TCF12: variants seen among roughly 807,000 people sequenced by gnomAD.
TCF12 encodes the protein transcription factor 12, also known as DNA-binding protein HTF4.
A neutral mutation model predicts 86.0 loss-of-function variants in TCF12; 45 were observed. That is an observed-to-expected ratio of 0.52 (90% CI 0.41 to 0.67). TCF12 has a LOEUF of 0.67. Ranked by LOEUF, TCF12 falls within the 30% of genes least tolerant of loss-of-function variation. TCF12 has a pLI of 0.00. For missense variants in TCF12, 881 were observed against 859.9 expected (o/e 1.02, Z -0.31); for synonymous variants, 330 against 299.6 (o/e 1.10, Z -1.05).
At chr15:57,062,474 T>C (rs1274063496) in intron 3 of TCF12, among the ~76,000 whole-genome samples, 1 of 152,072 alleles carries the variant, frequency 6.6e-6, no homozygotes, top group Admixed American at 6.6e-5. Flanking sequence ...AAATATACTT[T>C]AGTCACTTGA....
chr15:57,235,372 A>T (rs1263623187), intron 12 of TCF12, among the ~76,000 whole-genome samples: 1 of 152,196 alleles, frequency 6.6e-6, no homozygotes, highest in Non-Finnish European at 1.5e-5. Flanking sequence ...ACTTGAGCTC[A>T]GAAAGATTAA....
At chr15:56,938,164 CTTTTTCTTCTCTTTTTTTCT>C (rs2060566364) in intron 3 of TCF12, among the ~76,000 whole-genome samples, 2 of 113,216 alleles carry the variant, frequency 1.8e-5, no homozygotes, top group East Asian at 2.6e-4. Flanking sequence ...TGTTTCTTTT[CTTTTTCTTCTCTTTTTTTCT>C]TTTTTCTTGC....
chr15:57,151,014 T>C (rs2053713107), intron 5 of TCF12, among the ~76,000 whole-genome samples: 7 of 151,288 alleles, frequency 4.6e-5, no homozygotes, highest in Admixed American at 4.6e-4. Flanking sequence ...GGTCTCTCTC[T>C]GTTACACAGG....
At chr15:57,064,288 A>C (rs2040117572) in intron 4 of TCF12, among the ~76,000 whole-genome samples, 1 of 152,190 alleles carries the variant, frequency 6.6e-6, no homozygotes, top group African/African-American at 2.4e-5. Flanking sequence ...GACATTTCTT[A>C]GTTAACAGTT....
intron 2 of TCF12, among the ~76,000 whole-genome samples, chr15:56,920,586 G>A (rs2059746969): frequency 1.3e-5 from 2 of 151,522 alleles, no homozygotes; most frequent in South Asian, 4.2e-4. Flanking sequence ...TTTTTAATGG[G>A]TTTAATTCCT....
chr15:57,036,784 T>G (rs1210115785), intron 3 of TCF12, among the ~76,000 whole-genome samples: 1 of 152,220 alleles, frequency 6.6e-6, no homozygotes, highest in African/African-American at 2.4e-5. Context: ...TAGGTTTCTT[T>G]TCATTTTCAT....
chr15:57,262,229 C>T, intron 17 of TCF12, 21 bp downstream of exon 17: 1 of 1,494,188 alleles, frequency 6.7e-7, no homozygotes, highest in Non-Finnish European at 9.3e-7. Context: ...TGTTGGTTTT[C>T]AGAAATAATG....
At chr15:56,953,767 T>G (rs776860676) in intron 3 of TCF12, among the ~76,000 whole-genome samples, 1 of 151,968 alleles carries the variant, frequency 6.6e-6, no homozygotes, top group African/African-American at 2.4e-5. Context: ...GTGATGTTAC[T>G]GCTCTTATTC....
chr15:57,156,815 CA>C (rs1429693958), intron 5 of TCF12, among the ~76,000 whole-genome samples: 2 of 152,124 alleles, frequency 1.3e-5, no homozygotes, highest in Non-Finnish European at 2.9e-5. Flanking sequence ...AGTCAAAATA[CA>C]AAAAAGATGT....
At chr15:57,135,477 C>T (rs1460090806) in intron 5 of TCF12, among the ~76,000 whole-genome samples, 1 of 152,006 alleles carries the variant, frequency 6.6e-6, no homozygotes, top group Non-Finnish European at 1.5e-5. Flanking sequence ...AATGAATTTT[C>T]CTCTCAAGAT....
At chr15:57,007,771 TTTC>T (rs2064484928) in intron 3 of TCF12, among the ~76,000 whole-genome samples, 2 of 53,154 alleles carry the variant, frequency 3.8e-5, no homozygotes, top group Non-Finnish European at 8.3e-5. Flanking sequence ...TCTTTCTTTC[TTTC>T]TTTCTTTCTT....
At position 57,232,435 on chromosome 15, in the gene TCF12, G is replaced by A; in HGVS notation, c.825+5G>A. The A allele has an allele frequency of 1.3e-6, 2 of 1,597,458 alleles. No individual in the cohort carries two copies. Among genetic ancestry groups the A allele is most frequent in the Non-Finnish European group, 8.5e-7 (1 of 1,174,604 alleles). The stretch of plus-strand genomic sequence containing the variant: ...CTTCATTCACATGACCGCTTGGTAG[G>A]CTATAACACGTGACTAGGGTACAGC... On this transcript the variant is annotated splice_donor_5th_base_variant and intron_variant, in intron 10 of 20. Coordinates refer to ENST00000333725, the MANE Select transcript of TCF12 (RefSeq NM_207037.2).
intron 3 of TCF12, among the ~76,000 whole-genome samples, chr15:57,038,355 G>C (rs1431502681): frequency 6.6e-6 from 1 of 151,700 alleles, no homozygotes; most frequent in South Asian, 2.1e-4. Context: ...TTGAGCCCAG[G>C]AGTTGGAGGT....
At chr15:57,100,751 T>C (rs1305148742) in intron 5 of TCF12, among the ~76,000 whole-genome samples, 1 of 152,216 alleles carries the variant, frequency 6.6e-6, no homozygotes, top group African/African-American at 2.4e-5. Flanking sequence ...CTGAAAACTC[T>C]AGGGCCTCTT....
Position 57,282,435 on chromosome 15 carries a change from C to T in TCF12, c.1979-10C>T. Reference sequence around the variant, plus strand: ...ACCATAGTGATAAAAATTCTTTCCCCCTGTTTTAGAGAGGAACCTTAACCC... The same window carrying T: ...ACCATAGTGATAAAAATTCTTTCCCTCTGTTTTAGAGAGGAACCTTAACCC... On this transcript the variant is annotated splice_polypyrimidine_tract_variant and intron_variant, in intron 19 of 20. Coordinates refer to ENST00000333725, the MANE Select transcript of TCF12 (RefSeq NM_207037.2). 1 of 1,614,058 alleles carries T rather than the reference C, an allele frequency of 6.2e-7. No individual in the cohort carries two copies. The highest frequency in any genetic ancestry group is 8.5e-7 in the Non-Finnish European group (1 of 1,180,016).
intron 12 of TCF12, among the ~76,000 whole-genome samples, chr15:57,234,497 A>AT (rs367618485): frequency 4.6e-5 from 7 of 151,430 alleles, no homozygotes; most frequent in Non-Finnish European, 5.9e-5. Flanking sequence ...TATGTACTGT[A>AT]TTTTTTTTTA....
intron 8 of TCF12, among the ~76,000 whole-genome samples, chr15:57,212,638 TGA>T (rs1454072849): frequency 1.3e-5 from 2 of 152,156 alleles, no homozygotes; most frequent in Non-Finnish European, 2.9e-5. Flanking sequence ...AAAAAGAGTC[TGA>T]GAGACAAAAA....
intron 5 of TCF12, among the ~76,000 whole-genome samples, chr15:57,127,544 G>T (rs1323585164): frequency 6.6e-6 from 1 of 152,118 alleles, no homozygotes; most frequent in Non-Finnish European, 1.5e-5. Context: ...TATCTTCCCA[G>T]TGCTTCCTGC....
Position 57,123,443 on chromosome 15 carries a change from GA to G in TCF12, c.325+31555del, listed in dbSNP as rs1337202022. Among the ~76,000 whole-genome samples, 5 of 151,940 alleles carry G rather than the reference GA, an allele frequency of 3.3e-5. No individual in the cohort carries two copies. The South Asian group carries it at 1.0e-3, about 32-fold the overall frequency. On this transcript the variant is annotated intron_variant, in intron 5 of 20. Coordinates refer to ENST00000333725, the MANE Select transcript of TCF12 (RefSeq NM_207037.2). ...AAGATTCTTTTAAAGTATTTTGTTT[GA>G]AAGTCTTTCATTTCTTCTAATTAGG...
Sources: gnomAD v4.1 joint callset for allele counts (sites outside exome capture counted in the v4.1 genomes callset) on GRCh38, gnomAD v4.1.1 for gene constraint, MANE v1.5 for transcripts, NCBI Gene and HGNC (gene_info 2026-07-23, HGNC 2026-07-21) for gene names.